UBE2E2: variants seen among roughly 807,000 people sequenced by gnomAD.
UBE2E2 encodes ubiquitin-conjugating enzyme E2 E2.
Under a neutral mutation model 24.7 loss-of-function variants are expected in UBE2E2, and 6 were observed. That is an observed-to-expected ratio of 0.24 (90% CI 0.13 to 0.48). The LOEUF (loss-of-function observed/expected upper bound fraction) is 0.48, where lower values mean the gene tolerates loss of function less well. UBE2E2 is among the 20% of genes least tolerant of loss of function. The pLI is 0.99. For missense variants in UBE2E2, 169 were observed against 245.0 expected (o/e 0.69, Z 2.07); for synonymous variants, 104 against 83.6 (o/e 1.24, Z -1.33).
intron 3 of UBE2E2, among the ~76,000 whole-genome samples, chr3:23,241,190 T>A (rs1202099482): frequency 6.6e-6 from 1 of 152,196 alleles, no homozygotes; most frequent in East Asian, 1.9e-4. Flanking sequence ...GTTCATTCTG[T>A]CATCAAATCG....
In UBE2E2 at chr3:23,539,348, C is replaced by T. The variant is rs189286245; in HGVS notation, c.508+6647C>T. Among the ~76,000 whole-genome samples the T allele has an allele frequency of 2.2e-4, 34 of 152,282 alleles. 1 individual carries two copies. The highest frequency in any genetic ancestry group is 3.4e-3 in the Middle Eastern group (1 of 294). On this transcript the variant is annotated intron_variant, in intron 5 of 5. Coordinates refer to ENST00000396703, the MANE Select transcript of UBE2E2 (RefSeq NM_152653.4). ...TTGTTACTTTCATAACTTAAATATA[C>T]GTCCTTTGATAGGTTTGATTCTTTT...
intron 3 of UBE2E2, among the ~76,000 whole-genome samples, chr3:23,227,033 G>A (rs545508750): frequency 6.6e-6 from 1 of 151,384 alleles, no homozygotes; most frequent in African/African-American, 2.4e-5. Flanking sequence ...CCACCTTGTT[G>A]ATGGTGTGGT....
At chr3:23,432,849 A>G (rs1575625509) in intron 3 of UBE2E2, among the ~76,000 whole-genome samples, 1 of 151,850 alleles carries the variant, frequency 6.6e-6, no homozygotes, top group South Asian at 2.1e-4. Context: ...TTAATAATAA[A>G]CTATTAACAT....
At chr3:23,465,748 G>A (rs946345179) in intron 3 of UBE2E2, among the ~76,000 whole-genome samples, 2 of 152,096 alleles carry the variant, frequency 1.3e-5, no homozygotes, top group African/African-American at 2.4e-5. Flanking sequence ...CTAATGATAA[G>A]TATCACCACA....
intron 3 of UBE2E2, among the ~76,000 whole-genome samples, chr3:23,461,507 A>T (rs1036513226): frequency 9.9e-5 from 15 of 152,174 alleles, no homozygotes; most frequent in African/African-American, 3.6e-4. Flanking sequence ...TTAGGAAATT[A>T]TGTTAATAAA....
chr3:23,305,928 T>G (rs1259903364), intron 3 of UBE2E2, among the ~76,000 whole-genome samples: 1 of 152,158 alleles, frequency 6.6e-6, no homozygotes, highest in South Asian at 2.1e-4. Flanking sequence ...TCATTTACTT[T>G]GGTATTCTCT....
At chr3:23,586,558 A>G (rs1696632296) in intron 5 of UBE2E2, among the ~76,000 whole-genome samples, 1 of 152,162 alleles carries the variant, frequency 6.6e-6, no homozygotes, top group Non-Finnish European at 1.5e-5. Flanking sequence ...TCAGACTCCC[A>G]AAGTGCTGGG....
chr3:23,287,071 A>G (rs989654014), intron 3 of UBE2E2, among the ~76,000 whole-genome samples: 3 of 152,120 alleles, frequency 2.0e-5, no homozygotes, highest in African/African-American at 4.8e-5. Flanking sequence ...TGGGTCTGTC[A>G]TATATAGCTT....
intron 3 of UBE2E2, among the ~76,000 whole-genome samples, chr3:23,256,613 T>C (rs1559458700): frequency 6.6e-6 from 1 of 150,796 alleles, no homozygotes; most frequent in African/African-American, 2.4e-5. Context: ...AAGCAATTAA[T>C]AAAATCCCTT....
intron 5 of UBE2E2, among the ~76,000 whole-genome samples, chr3:23,562,982 A>G (rs555374032): frequency 9.9e-5 from 15 of 152,130 alleles, no homozygotes; most frequent in African/African-American, 3.6e-4. Flanking sequence ...TAGTCTTGCT[A>G]GCAGTCTATC....
rs186561874 is a variant in UBE2E2 at position 23,214,844 on chromosome 3, A to G, written c.177-2418A>G. Among the ~76,000 whole-genome samples, 1,364 of 151,880 alleles carry G rather than the reference A, an allele frequency of 9.0e-3. 12 individuals are homozygous for G. The highest frequency in any genetic ancestry group is 0.034 in the Middle Eastern group (10 of 292). ...CCACCCCCTGCCCCTAGTTCTCCCAATTCCATTCCCTTGAAGCAGACTGTT... is the reference window on the plus strand; with the variant it reads ...CCACCCCCTGCCCCTAGTTCTCCCAGTTCCATTCCCTTGAAGCAGACTGTT... On this transcript the variant is annotated intron_variant, in intron 2 of 5. Coordinates refer to ENST00000396703, the MANE Select transcript of UBE2E2 (RefSeq NM_152653.4).
chr3:23,486,055 G>A (rs946328372), intron 3 of UBE2E2, among the ~76,000 whole-genome samples: 2 of 152,134 alleles, frequency 1.3e-5, no homozygotes, highest in Non-Finnish European at 2.9e-5. Context: ...TGCTGGATTT[G>A]TTCCACCCAC....
At chr3:23,224,660 A>G (rs990331231) in intron 3 of UBE2E2, among the ~76,000 whole-genome samples, 1 of 151,852 alleles carries the variant, frequency 6.6e-6, no homozygotes, top group Non-Finnish European at 1.5e-5. Context: ...CTCTTGCCTA[A>G]TTGCTCTGGC....
upstream of UBE2E2, chr3:23,203,119 C>T (rs1174868749): frequency 2.0e-6 from 2 of 981,958 alleles, no homozygotes; most frequent in Non-Finnish European, 2.4e-6. Flanking sequence ...CGGGTGCGCG[C>T]GCGGACGGCC....
At chr3:23,397,870 A>C (rs34928302) in intron 3 of UBE2E2, among the ~76,000 whole-genome samples, 15,500 of 152,182 alleles carry the variant, frequency 0.1, 925 homozygotes, top group East Asian at 0.13. Context: ...CGTTCAGTTG[A>C]AGATGTCACA....
intron 3 of UBE2E2, among the ~76,000 whole-genome samples, chr3:23,268,971 A>C (rs12632777): frequency 0.35 from 53,035 of 151,258 alleles, 9,475 homozygotes; most frequent in South Asian, 0.4. Flanking sequence ...CCTATTTAAT[A>C]AATGGTGCTG....
chr3:23,322,402 A>G (rs1214859472), intron 3 of UBE2E2, among the ~76,000 whole-genome samples: 1 of 152,204 alleles, frequency 6.6e-6, no homozygotes, highest in Admixed American at 6.5e-5. Context: ...ACTGGAAGCT[A>G]TGAGAAATTT....
intron 3 of UBE2E2, among the ~76,000 whole-genome samples, chr3:23,325,303 G>A (rs942909583): frequency 6.6e-6 from 1 of 151,916 alleles, no homozygotes; most frequent in East Asian, 1.9e-4. Context: ...CAATTGAAAA[G>A]CAAATAAAAA....
rs151187526 is a variant in UBE2E2 at position 23,303,118 on chromosome 3, G to T, written c.227+85806G>T. Among the ~76,000 whole-genome samples, 19 of 152,170 alleles carry T rather than the reference G, an allele frequency of 1.2e-4. No individual in the cohort carries two copies. In the East Asian group the frequency reaches 2.9e-3, roughly 23 times the overall value. Reference sequence around the variant, plus strand: ...TTCTCATAGGAGCGCAAACTTTATTGTGAACTGTGCATGTGAGGGATCTAG... The same window carrying T: ...TTCTCATAGGAGCGCAAACTTTATTTTGAACTGTGCATGTGAGGGATCTAG... On this transcript the variant is annotated intron_variant, in intron 3 of 5. Coordinates refer to ENST00000396703, the MANE Select transcript of UBE2E2 (RefSeq NM_152653.4).
Sources: allele counts gnomAD v4.1 joint callset (sites outside exome capture counted in the v4.1 genomes callset), GRCh38; gene constraint gnomAD v4.1.1; transcripts MANE v1.5; gene names NCBI Gene and HGNC (gene_info 2026-07-23, HGNC 2026-07-21).